The following SNX29 variants were observed in gnomAD, a reference collection of about 807,000 sequenced individuals.
The protein encoded by SNX29 is sorting nexin-29.
A neutral mutation model predicts 102.1 loss-of-function variants in SNX29; 78 were observed. The ratio of observed to expected loss-of-function variants is 0.76; its 90% CI spans 0.64 to 0.92. The LOEUF (loss-of-function observed/expected upper bound fraction) is 0.92. SNX29 is among the 40% of genes least tolerant of loss of function. The pLI is 0.00. For synonymous variants in SNX29, 580 were observed against 414.5 expected (o/e 1.40, Z -4.85); for missense variants, 1,280 against 1,061.7 (o/e 1.21, Z -2.86).
chr16:12,498,937 G>A (rs975960573), intron 19 of SNX29, among the ~76,000 whole-genome samples: 8 of 152,178 alleles, frequency 5.3e-5, no homozygotes, highest in African/African-American at 1.9e-4. Context: ...CTACTTGATA[G>A]CAGAAGGGGC....
In SNX29 at chr16:12,278,007, G is replaced by T. The variant is rs1011178448; in HGVS notation, c.1753G>T (p.Ala585Ser). 3.7e-6 allele frequency: 6 copies of T among 1,605,036 alleles called. No homozygotes were observed. The highest frequency in any genetic ancestry group is 2.2e-5 in the East Asian group (1 of 44,636). ...QKPGEIAEEL[A>S]SSYERKLIEV... ...GCCGGGAGAAATTGCTGAAGAACTCGCAAGCTCCTACGAAAGAAAGCTCAT... is the reference window on the plus strand; with the variant it reads ...GCCGGGAGAAATTGCTGAAGAACTCTCAAGCTCCTACGAAAGAAAGCTCAT... The change falls in exon 15 of 21, where the codon GCA becomes TCA. Residue 585 changes from alanine (A) to serine (S), a missense_variant. Physicochemically the swap from Ala to Ser is moderately conservative, Grantham distance 99. Transcript: ENST00000566228.
At chr16:12,089,973 A>G in intron 11 of SNX29, 1 of 214,208 alleles carries the variant, frequency 4.7e-6, no homozygotes, top group Non-Finnish European at 9.9e-6. Context: ...TCACTGCCCT[A>G]AGCACGGTGC....
intron 16 of SNX29, among the ~76,000 whole-genome samples, chr16:12,370,037 G>C (rs565647622): frequency 6.6e-6 from 1 of 151,912 alleles, no homozygotes; most frequent in Non-Finnish European, 1.5e-5. Flanking sequence ...CCTGGCCAAC[G>C]TGGTGAAACC....
At chr16:12,550,082 T>C (rs1241490919) in intron 20 of SNX29, among the ~76,000 whole-genome samples, 1 of 152,232 alleles carries the variant, frequency 6.6e-6, no homozygotes, top group Admixed American at 6.5e-5. Flanking sequence ...TATAGGAAGT[T>C]TGCCAACCTA....
chr16:11,981,755 C>T (rs957030351), intron 1 of SNX29, among the ~76,000 whole-genome samples: 4 of 152,140 alleles, frequency 2.6e-5, no homozygotes, highest in African/African-American at 9.7e-5. Context: ...AAATGGGTAT[C>T]ATGAGGCCAG....
chr16:12,122,500 G>T (rs2054019110), intron 11 of SNX29, among the ~76,000 whole-genome samples: 1 of 152,090 alleles, frequency 6.6e-6, no homozygotes, highest in Non-Finnish European at 1.5e-5. Context: ...GCAGAAGCTT[G>T]AAGGACAACC....
At position 12,046,473 on chromosome 16, in the gene SNX29, A is replaced by G; in HGVS notation, c.499+19A>G. The G allele has an allele frequency of 6.2e-7, 1 of 1,613,440 alleles. No homozygotes were observed. Among genetic ancestry groups the G allele is most frequent in the Non-Finnish European group, 8.5e-7 (1 of 1,179,442 alleles). ...GCAGCAGGTAAGCCTGGCCCAGACC[A>G]GGGTGCAGGGCCTTGTGACACTTGG... On this transcript the variant is annotated intron_variant, in intron 6 of 20. Transcript: ENST00000566228.
In SNX29 at chr16:12,560,372, C is replaced by T. The variant is rs887360586; in HGVS notation, c.2319-8134C>T. On this transcript the variant is annotated intron_variant, in intron 20 of 20. Transcript: ENST00000566228. Reference sequence around the variant, plus strand: ...TACATTCATCTGGTGACAGGTTGTGCGCTCAGTATTTTGAGTTCTTTAATC... The same window carrying T: ...TACATTCATCTGGTGACAGGTTGTGTGCTCAGTATTTTGAGTTCTTTAATC... Among the ~76,000 whole-genome samples, 15 of 152,102 alleles carry T rather than the reference C, an allele frequency of 9.9e-5. 1 individual carries two copies. The highest frequency in any genetic ancestry group is 8.3e-4 in the South Asian group (4 of 4,812).
chr16:12,568,736 G>A lies in SNX29; in HGVS notation c.*107G>A. 7.5e-6 allele frequency: 11 copies of A among 1,463,766 alleles called. No individual in the cohort carries two copies. The highest frequency in any genetic ancestry group is 2.4e-5 in the East Asian group (1 of 41,476). 90.7% of individuals were successfully genotyped at this position (1,463,766 alleles called of 1,614,324 possible). ...AGCGTGACAACCACGTCCACCTGGTGATCCTGAGAGCACACGATTCCCAAC... is the reference window on the plus strand; with the variant it reads ...AGCGTGACAACCACGTCCACCTGGTAATCCTGAGAGCACACGATTCCCAAC... On this transcript the variant is annotated 3_prime_UTR_variant, in exon 21 of 21. Coordinates refer to ENST00000566228, the MANE Select transcript of SNX29 (RefSeq NM_032167.5).
In SNX29 at chr16:12,473,082, T is replaced by C. The variant is rs1461513298; in HGVS notation, c.2038-4637T>C. 2.0e-5 allele frequency among the ~76,000 whole-genome samples: 3 copies of C among 152,202 alleles called. No homozygotes were observed. The East Asian group carries it at 5.8e-4, about 29-fold the overall frequency. ...AGGAATTGGAGCTGATCGAACTTAATTTGGAGGGGAGAGGCTTTTAAAATA... is the reference window on the plus strand; with the variant it reads ...AGGAATTGGAGCTGATCGAACTTAACTTGGAGGGGAGAGGCTTTTAAAATA... On this transcript the variant is annotated intron_variant, in intron 18 of 20. Coordinates refer to ENST00000566228, the MANE Select transcript of SNX29 (RefSeq NM_032167.5).
At chr16:12,483,114 GT>G (rs574090459) in intron 19 of SNX29, among the ~76,000 whole-genome samples, 988 of 66,120 alleles carry the variant, frequency 0.015, 9 homozygotes, top group East Asian at 0.019. Flanking sequence ...AAGTTATTAA[GT>G]TTTTTTTTTT....
intron 20 of SNX29, among the ~76,000 whole-genome samples, chr16:12,553,821 T>G (rs2078148009): frequency 6.6e-6 from 1 of 152,122 alleles, no homozygotes. Context: ...CTCCTGACCT[T>G]GTGATCCACC....
intron 18 of SNX29, among the ~76,000 whole-genome samples, chr16:12,424,349 C>T (rs556091568): frequency 1.3e-5 from 2 of 152,224 alleles, no homozygotes; most frequent in East Asian, 3.9e-4. Context: ...TTTGCTGTTT[C>T]TTTTCTCTTC....
chr16:12,539,186 G>T (rs886434927), intron 20 of SNX29, among the ~76,000 whole-genome samples: 2 of 152,146 alleles, frequency 1.3e-5, no homozygotes, highest in African/African-American at 4.8e-5. Flanking sequence ...TTAAACACAT[G>T]CATAGATTTG....
chr16:12,128,700 G>A (rs1018350265), intron 12 of SNX29, among the ~76,000 whole-genome samples: 10 of 152,026 alleles, frequency 6.6e-5, no homozygotes, highest in Admixed American at 5.9e-4. Flanking sequence ...TGATCCACCC[G>A]CCTTGGCCTC....
At chr16:12,299,441 G>A (rs1043301592) in intron 15 of SNX29, among the ~76,000 whole-genome samples, 2 of 152,222 alleles carry the variant, frequency 1.3e-5, no homozygotes, top group East Asian at 1.9e-4. Context: ...GTCCTCAAGA[G>A]TAGTTTTTGC....
chr16:12,088,328 C>T (rs1391952807), intron 11 of SNX29: 5 of 357,076 alleles, frequency 1.4e-5, no homozygotes, highest in Non-Finnish European at 1.7e-5. Flanking sequence ...GGAGGTGCCA[C>T]GTTGCCAGGT....
rs553806046 is a variant in SNX29 at position 12,109,887 on chromosome 16, C to T, written c.1403-16746C>T. Among the ~76,000 whole-genome samples the T allele has an allele frequency of 7.9e-5, 12 of 152,264 alleles. No homozygotes were observed. The South Asian group carries it at 2.1e-3, about 26-fold the overall frequency. On this transcript the variant is annotated intron_variant, in intron 11 of 20. Transcript: ENST00000566228. ...CTGGGATTACAGGTGTGCACTACCA[C>T]GCCCACCTAATTTTTGTATTTTTAG...
intron 18 of SNX29, 73 bp from the exon 19 acceptor site, chr16:12,477,646 G>A (rs1159253647): frequency 1.0e-5 from 16 of 1,569,180 alleles, no homozygotes; most frequent in Non-Finnish European, 1.2e-5. Context: ...TTTTCATGGG[G>A]AAAGCATAGC....
Sources: gnomAD v4.1 joint callset for allele counts (sites outside exome capture counted in the v4.1 genomes callset) on GRCh38, gnomAD v4.1.1 for gene constraint, MANE v1.5 for transcripts, NCBI Gene and HGNC (gene_info 2026-07-23, HGNC 2026-07-21) for gene names.